The following C18orf63 variants were observed in gnomAD, a reference collection of about 807,000 sequenced individuals.
The protein encoded by C18orf63 is chromosome 18 open reading frame 63, also known as uncharacterized protein C18orf63.
In C18orf63, 50 loss-of-function variants were observed where a neutral mutation model predicts 75.3. That is an observed-to-expected ratio of 0.66 (90% CI 0.53 to 0.84). C18orf63 has a LOEUF of 0.84. C18orf63 is among the 40% of genes least tolerant of loss of function. The pLI is 0.00. For synonymous variants in C18orf63, 232 were observed against 267.6 expected (o/e 0.87, Z 1.30); for missense variants, 732 against 800.2 (o/e 0.91, Z 1.03).
At chr18:74,354,631 A>G in intron 13 of C18orf63, 85 bp downstream of exon 13, 1 of 623,170 alleles carries the variant, frequency 1.6e-6, no homozygotes, top group South Asian at 2.2e-5. Flanking sequence ...CTCTTGGTAA[A>G]AAGCAGCTAC....
chr18:74,317,678 A>C (rs1221218857), intron 1 of C18orf63, among the ~76,000 whole-genome samples, 156 bp from the exon 2 acceptor site: 2 of 152,226 alleles, frequency 1.3e-5, no homozygotes, highest in Non-Finnish European at 2.9e-5. Flanking sequence ...AAGACCTTAA[A>C]GGTAAATGGC....
chr18:74,321,184 T>A (rs937857250), intron 3 of C18orf63, among the ~76,000 whole-genome samples: 1 of 152,196 alleles, frequency 6.6e-6, no homozygotes, highest in Non-Finnish European at 1.5e-5. Flanking sequence ...CAGAATCCAG[T>A]GAAATCAGCA....
At chr18:74,325,488 T>G (rs879814021) in intron 4 of C18orf63, among the ~76,000 whole-genome samples, 1 of 152,240 alleles carries the variant, frequency 6.6e-6, no homozygotes, top group Non-Finnish European at 1.5e-5. Context: ...TTGAGAAGAA[T>G]GAGTATTCTA....
At chr18:74,349,596 T>A (rs955918375) in intron 11 of C18orf63, among the ~76,000 whole-genome samples, 1 of 152,110 alleles carries the variant, frequency 6.6e-6, no homozygotes, top group Non-Finnish European at 1.5e-5. Context: ...ACACGAGGGA[T>A]CTAGGTTGCA....
At position 74,354,269 on chromosome 18, in the gene C18orf63, G is replaced by GT. The variant is rs1406851726; in HGVS notation, c.2001+2dup. On this transcript the variant is annotated splice_donor_variant, in intron 12 of 13. Transcript: ENST00000579455. LOFTEE classifies it high-confidence loss of function. ...CCAATCCAGTTCTTCTAAGAAGCAG[G>GT]TAAAAAAAAAATTAATCTGGCACTA... is the stretch of plus-strand genomic sequence containing the variant. 6.7e-7 allele frequency: 1 copy of GT among 1,497,474 alleles called. No homozygotes were observed. Among genetic ancestry groups the GT allele is most frequent in the Non-Finnish European group, 8.8e-7 (1 of 1,133,510 alleles). The allele number at this position is 1,497,474 out of a possible 1,614,324, so 92.8% of individuals were successfully genotyped here.
intron 11 of C18orf63, among the ~76,000 whole-genome samples, chr18:74,347,495 T>C (rs1175390510): frequency 6.6e-6 from 1 of 152,112 alleles, no homozygotes; most frequent in Non-Finnish European, 1.5e-5. Flanking sequence ...GCATTGGCCC[T>C]CTGTAACCTA....
At chr18:74,332,163 A>C (rs1419869358) in intron 7 of C18orf63, among the ~76,000 whole-genome samples, 1 of 152,140 alleles carries the variant, frequency 6.6e-6, no homozygotes, top group African/African-American at 2.4e-5. Context: ...TATTTATTAA[A>C]GTTATAGAGG....
At chr18:74,340,117 G>T (rs902742217) in intron 8 of C18orf63, among the ~76,000 whole-genome samples, 1 of 151,864 alleles carries the variant, frequency 6.6e-6, no homozygotes, top group African/African-American at 2.4e-5. Context: ...CTGATAAAGA[G>T]CTACTATCCA....
At chr18:74,324,299 C>T (rs1167201832) in intron 4 of C18orf63, among the ~76,000 whole-genome samples, 1 of 152,162 alleles carries the variant, frequency 6.6e-6, no homozygotes, top group Non-Finnish European at 1.5e-5. Context: ...CACTGATTCA[C>T]CAAAAATTGG....
intron 7 of C18orf63, among the ~76,000 whole-genome samples, chr18:74,333,704 T>A (rs922618733): frequency 3.3e-5 from 5 of 152,128 alleles, no homozygotes; most frequent in African/African-American, 1.2e-4. Context: ...CAGTTCAAGA[T>A]GAGATTTGGG....
Position 74,336,028 on chromosome 18 carries a change from G to A in C18orf63, c.502-2687G>A, listed in dbSNP as rs139262043. Reference sequence around the variant, plus strand: ...TCTAGGGTTGTAAGGAGGTTATGGTGTAAAGTACATTAAGGGCCTAGCATA... The same window carrying A: ...TCTAGGGTTGTAAGGAGGTTATGGTATAAAGTACATTAAGGGCCTAGCATA... On this transcript the variant is annotated intron_variant, in intron 7 of 13. Transcript: ENST00000579455. Among the ~76,000 whole-genome samples the A allele has an allele frequency of 7.7e-3, 1,178 of 152,192 alleles. 11 individuals are homozygous for A. Among genetic ancestry groups the A allele is most frequent in the South Asian group, 0.022 (104 of 4,828 alleles).
intron 4 of C18orf63, among the ~76,000 whole-genome samples, chr18:74,326,551 T>A (rs990959851): frequency 9.2e-5 from 14 of 152,184 alleles, no homozygotes; most frequent in Admixed American, 3.3e-4. Flanking sequence ...TCCTAGACTC[T>A]CAGCTCTGTC....
In C18orf63 at chr18:74,358,362, T is replaced by C. The variant is rs922106976; in HGVS notation, c.*1915T>C. 2 of 152,180 alleles carry C rather than the reference T, an allele frequency of 1.3e-5. No individual in the cohort carries two copies. Among genetic ancestry groups the C allele is most frequent in the Non-Finnish European group, 2.9e-5 (2 of 68,026 alleles). The allele number at this position is 152,180 out of a possible 1,614,324, so 9.4% of individuals were successfully genotyped here. On this transcript the variant is annotated 3_prime_UTR_variant, in exon 14 of 14. Coordinates refer to ENST00000579455, the MANE Select transcript of C18orf63 (RefSeq NM_001174123.2). ...TCCTAATGAAAGTTATAAAAATATATGCATATATTTATATGTGAGATTTAA... is the reference window on the plus strand; with the variant it reads ...TCCTAATGAAAGTTATAAAAATATACGCATATATTTATATGTGAGATTTAA...
intron 2 of C18orf63, among the ~76,000 whole-genome samples, chr18:74,320,092 A>G (rs1290455184): frequency 1.3e-5 from 2 of 152,202 alleles, no homozygotes; most frequent in East Asian, 3.8e-4. Flanking sequence ...CCAATAGAGT[A>G]AAAACGGATA....
At chr18:74,352,889 GAC>G (rs1478368565) in intron 11 of C18orf63, among the ~76,000 whole-genome samples, 17 of 152,200 alleles carry the variant, frequency 1.1e-4, no homozygotes, top group Non-Finnish European at 2.4e-4. Flanking sequence ...GAGAAGGTGG[GAC>G]TTTGAGTATC....
intron 8 of C18orf63, among the ~76,000 whole-genome samples, chr18:74,340,207 CA>C (rs1984457649): frequency 1.3e-5 from 2 of 152,200 alleles, no homozygotes; most frequent in Non-Finnish European, 2.9e-5. Context: ...CCTCGAATAA[CA>C]TTTCTCAAAA....
chr18:74,349,616 T>C (rs1321480076), intron 11 of C18orf63, among the ~76,000 whole-genome samples: 3 of 152,178 alleles, frequency 2.0e-5, no homozygotes, highest in East Asian at 3.9e-4. Context: ...ATGCTCCTTA[T>C]GAGAATCGAA....
chr18:74,340,642 T>A (rs1984464702), intron 8 of C18orf63, among the ~76,000 whole-genome samples: 1 of 152,102 alleles, frequency 6.6e-6, no homozygotes, highest in Non-Finnish European at 1.5e-5. Context: ...AAGAAGTATG[T>A]GGTATATACA....
intron 6 of C18orf63, among the ~76,000 whole-genome samples, chr18:74,330,066 A>T (rs35374578): frequency 0.51 from 77,169 of 151,558 alleles, 20,210 homozygotes; most frequent in Non-Finnish European, 0.58. Flanking sequence ...CCTCTGGGTG[A>T]ATGGGTTCAT....
Sources: allele counts gnomAD v4.1 joint callset (sites outside exome capture counted in the v4.1 genomes callset), GRCh38; gene constraint gnomAD v4.1.1; transcripts MANE v1.5; gene names NCBI Gene and HGNC (gene_info 2026-07-23, HGNC 2026-07-21).